Variants in CDK2AP1 observed in about 807,000 individuals in gnomAD.
The protein encoded by CDK2AP1 is cyclin-dependent kinase 2-associated protein 1.
Under a neutral mutation model 14.1 loss-of-function variants are expected in CDK2AP1, and 10 were observed. That is an observed-to-expected ratio of 0.71 (90% CI 0.44 to 1.20). CDK2AP1 has a LOEUF of 1.20. Ranked by LOEUF, CDK2AP1 falls within the 50% of genes most tolerant of loss-of-function variation. CDK2AP1 has a pLI of 0.00. For synonymous variants in CDK2AP1, 59 were observed against 59.8 expected, an observed-to-expected ratio of 0.99 and a Z score of 0.06; for missense variants, 102 against 149.9, an observed-to-expected ratio of 0.68 and a Z score of 1.67.
At chr12:123,266,286 C>T (rs1253674382) in intron 2 of CDK2AP1, among the ~76,000 whole-genome samples, 2 of 152,382 alleles carry the variant, frequency 1.3e-5, no homozygotes, top group South Asian at 4.1e-4. Context: ...GCGCCGCCGT[C>T]GCATGGCCAG....
intron 3 of CDK2AP1, among the ~76,000 whole-genome samples, chr12:123,263,627 C>T (rs1018641326): frequency 2.6e-5 from 4 of 152,180 alleles, no homozygotes; most frequent in African/African-American, 9.7e-5. Flanking sequence ...CCTCTTCAAT[C>T]ACATCCTCTA....
In CDK2AP1 at chr12:123,261,823, C is replaced by T. The variant is rs779996621; in HGVS notation, c.281-20G>A. The stretch of plus-strand genomic sequence containing the variant: ...TGATGCCTGAAACAGAGGCAGAGAC[C>T]TGAGGTCAGCAAGTGCACAGGACCA... On this transcript the variant is annotated intron_variant, in intron 3 of 3. Coordinates refer to ENST00000261692, the MANE Select transcript of CDK2AP1 (RefSeq NM_004642.4). 1 of 1,582,788 alleles carries T rather than the reference C, an allele frequency of 6.3e-7. No individual in the cohort carries two copies. Among genetic ancestry groups the T allele is most frequent in the Non-Finnish European group, 8.7e-7 (1 of 1,151,026 alleles).
At chr12:123,266,723 A>T (rs1424291051) in intron 2 of CDK2AP1, among the ~76,000 whole-genome samples, 1 of 152,138 alleles carries the variant, frequency 6.6e-6, no homozygotes, top group African/African-American at 2.4e-5. Flanking sequence ...CCCAGGCCAC[A>T]CTCTCAAATA....
intron 1 of CDK2AP1, chr12:123,271,072 A>C (rs2048349668): frequency 2.9e-5 from 25 of 858,574 alleles, no homozygotes; most frequent in South Asian, 5.2e-5. Context: ...GCAGCCCTCC[A>C]TCCGCGCCCG....
At chr12:123,267,472 A>C in intron 1 of CDK2AP1, 190 bp from the exon 2 acceptor site, 1 of 545,102 alleles carries the variant, frequency 1.8e-6, no homozygotes, top group Non-Finnish European at 3.4e-6. Context: ...AAGGCACCTG[A>C]CCATCCCCAG....
intron 1 of CDK2AP1, chr12:123,270,758 T>A (rs1011035937): frequency 3.2e-5 from 28 of 871,132 alleles, no homozygotes; most frequent in Middle Eastern, 5.8e-4. Context: ...GGCTTCTGCA[T>A]CGAGGGCCTT....
upstream of CDK2AP1, chr12:123,271,879 G>A (rs1288531635): frequency 1.4e-5 from 2 of 146,356 alleles, no homozygotes; most frequent in African/African-American, 2.4e-5. Flanking sequence ...CGGGGCGGCC[G>A]GGGCCGGGAG....
At chr12:123,270,980 G>T in intron 1 of CDK2AP1, 1 of 983,760 alleles carries the variant, frequency 1.0e-6, no homozygotes, top group South Asian at 4.6e-5. Flanking sequence ...GCCCGCCGGC[G>T]ACCCCATCCT....
In CDK2AP1 at chr12:123,271,529, C is replaced by CG. The variant is rs1343373868; in HGVS notation, c.55+34dup. 3 of 992,558 alleles carry CG rather than the reference C, an allele frequency of 3.0e-6. No individual in the cohort carries two copies. The African/African-American group carries it at 5.3e-5, about 17-fold the overall frequency. The allele number at this position is 992,558 out of a possible 1,614,324, so 61.5% of individuals were successfully genotyped here. A position where few individuals can be genotyped will look rare whatever the true frequency, so the allele number is the denominator to read the frequency against. On this transcript the variant is annotated intron_variant, in intron 1 of 3. Transcript: ENST00000261692. ...CCGGGCGCGCGGACCCCCAACTTGG[C>CG]GGCGCTTGGGGCGCGTCGCACGCGG... is the stretch of plus-strand genomic sequence containing the variant.
intron 1 of CDK2AP1, 81 bp downstream of exon 1, chr12:123,271,483 C>T: frequency 1.2e-6 from 1 of 805,640 alleles, no homozygotes; most frequent in Non-Finnish European, 1.5e-6. Context: ...CGCGGGCGCC[C>T]CGGGCATCCC....
intron 3 of CDK2AP1, among the ~76,000 whole-genome samples, chr12:123,262,710 G>A (rs948080449): frequency 1.3e-5 from 2 of 152,042 alleles, no homozygotes; most frequent in African/African-American, 4.8e-5. Flanking sequence ...GGAGAAGCTG[G>A]GACTATAGGC....
intron 3 of CDK2AP1, among the ~76,000 whole-genome samples, chr12:123,264,462 CAAAAAAAAAAAAAA>C (rs1167157405): frequency 8.6e-5 from 6 of 69,888 alleles, no homozygotes; most frequent in Admixed American, 7.7e-4. Context: ...CTCCGTCTCC[CAAAAAAAAAAAAAA>C]AAAAAAAAAA....
At chr12:123,266,670 G>A (rs2048299282) in intron 2 of CDK2AP1, among the ~76,000 whole-genome samples, 1 of 152,226 alleles carries the variant, frequency 6.6e-6, no homozygotes, top group African/African-American at 2.4e-5. Flanking sequence ...TACCAAGTGG[G>A]GGGTCACAGT....
In CDK2AP1 at chr12:123,268,357, A is replaced by AGCTGGGGGAGCCGGGAGGAGC. The variant is rs1199786897; in HGVS notation, c.56-1096_56-1076dup. The AGCTGGGGGAGCCGGGAGGAGC allele has an allele frequency of 9.7e-5, 37 of 382,026 alleles. No homozygotes were observed. In the Admixed American group the frequency reaches 1.3e-3, roughly 13 times the overall value. 23.7% of individuals were successfully genotyped at this position (382,026 alleles called of 1,614,324 possible). On this transcript the variant is annotated intron_variant, in intron 1 of 3. Coordinates refer to ENST00000261692, the MANE Select transcript of CDK2AP1 (RefSeq NM_004642.4). ...AGGAGGAAGGAAGTTCAGGGCCTCA[A>AGCTGGGGGAGCCGGGAGGAGC]GCTGGGGGAGCCGGGAGGAGCACTG...
chr12:123,261,676 G>C lies in CDK2AP1; in HGVS notation c.*60C>G. The C allele has an allele frequency of 7.2e-7, 1 of 1,380,830 alleles. No homozygotes were observed. The highest frequency in any genetic ancestry group is 1.0e-6 in the Non-Finnish European group (1 of 966,986). 85.5% of individuals were successfully genotyped at this position (1,380,830 alleles called of 1,614,324 possible). A position where few individuals can be genotyped will look rare whatever the true frequency, so the allele number is the denominator to read the frequency against. On this transcript the variant is annotated 3_prime_UTR_variant, in exon 4 of 4. Coordinates refer to ENST00000261692, the MANE Select transcript of CDK2AP1 (RefSeq NM_004642.4). ...ACAAGGGTTTCATCTGAACAGGGGA[G>C]ATGAACTGTAACTTCTCATCTTGTA...
intron 1 of CDK2AP1, chr12:123,271,056 AGCCCCG>A: frequency 1.0e-6 from 1 of 953,940 alleles, no homozygotes; most frequent in Non-Finnish European, 1.2e-6. Context: ...GCAGCCCCGC[AGCCCCG>A]CAGCCCTCCA....
chr12:123,271,096 T>G (rs938750730), intron 1 of CDK2AP1: 1 of 888,860 alleles, frequency 1.1e-6, no homozygotes, highest in African/African-American at 1.9e-5. Flanking sequence ...GCGCGGGTCC[T>G]GGCCCTGCCC....
intron 1 of CDK2AP1, chr12:123,270,205 C>G: frequency 2.0e-6 from 2 of 984,650 alleles, no homozygotes; most frequent in Non-Finnish European, 2.4e-6. Context: ...TTTGTAAGGT[C>G]TGCGGACCCC....
chr12:123,267,371 G>A (rs2048308412), intron 1 of CDK2AP1, 89 bp from the exon 2 acceptor site: 1 of 775,510 alleles, frequency 1.3e-6, no homozygotes, highest in Non-Finnish European at 2.3e-6. Context: ...CCTTGCCCAG[G>A]ACCCACACCA....
Sources: gnomAD v4.1 joint callset for allele counts (sites outside exome capture counted in the v4.1 genomes callset) on GRCh38, gnomAD v4.1.1 for gene constraint, MANE v1.5 for transcripts, NCBI Gene and HGNC (gene_info 2026-07-23, HGNC 2026-07-21) for gene names.